Variants in TRIM4 observed in about 807,000 individuals in gnomAD.
The protein encoded by TRIM4 is E3 ubiquitin-protein ligase TRIM4.
Under a neutral mutation model 33.7 loss-of-function variants are expected in TRIM4, and 29 were observed. That is an observed-to-expected ratio of 0.86 (90% confidence interval 0.64 to 1.17). The LOEUF (loss-of-function observed/expected upper bound fraction) is 1.17, where lower values mean the gene tolerates loss of function less well. Among genes scored for constraint, TRIM4 ranks in the 50% most tolerant of loss-of-function variants. The probability of loss-of-function intolerance (pLI) is 0.00; values close to 1 mark genes in which losing one functional copy is unlikely to be tolerated. For synonymous variants in TRIM4, 224 were observed against 233.0 expected (o/e 0.96, Z 0.35); for missense variants, 554 against 593.7 (o/e 0.93, Z 0.69).
In TRIM4 at chr7:99,919,410, C is replaced by T. The variant is rs1196454807; in HGVS notation, c.-9G>A. The T allele has an allele frequency of 1.3e-6, 2 of 1,528,234 alleles. No homozygotes were observed. The highest frequency in any genetic ancestry group is 1.4e-5 in the African/African-American group (1 of 69,724). The allele number at this position is 1,528,234 out of a possible 1,614,324, so 94.7% of individuals were successfully genotyped here. ...ATGTCCTCAGCTTCCATGCTGCTTC[C>T]CTGCCGCGGAGACGGAGTCCGACGT... On this transcript the variant is annotated 5_prime_UTR_variant, in exon 1 of 6. Coordinates refer to ENST00000349062, the MANE Select transcript of TRIM4 (RefSeq NM_033091.3).
intron 1 of TRIM4, among the ~76,000 whole-genome samples, chr7:99,912,160 T>C (rs1012623587): frequency 2.0e-5 from 3 of 152,214 alleles, no homozygotes; most frequent in Non-Finnish European, 4.4e-5. Context: ...ATCCTTTATC[T>C]TGAGAAGGGC....
At chr7:99,917,565 C>CA in intron 1 of TRIM4, among the ~76,000 whole-genome samples, 1 of 152,124 alleles carries the variant, frequency 6.6e-6, no homozygotes, top group East Asian at 1.9e-4. Context: ...ACTAAAAATA[C>CA]AAAATTAGCT....
chr7:99,909,606 G>C lies in TRIM4; in HGVS notation c.448C>G (p.His150Asp), dbSNP rs1179990810. 6.2e-7 allele frequency: 1 copy of C among 1,613,526 alleles called. No individual in the cohort carries two copies. Among genetic ancestry groups the C allele is most frequent in the African/African-American group, 1.3e-5 (1 of 74,776 alleles). Reference sequence around the variant, plus strand: ...TTCTTCACTTCTACATCCTGTAAATGCATGACTTTCTTCATCTTGGCCACG... The same window carrying C: ...TTCTTCACTTCTACATCCTGTAAATCCATGACTTTCTTCATCTTGGCCACG... The part of the protein sequence containing the change: ...NLVAKMKKVM[H>D]LQDVEVKNAT... The change falls in exon 2 of 6, where the codon CAT (histidine) becomes GAT (aspartate). Residue 150 changes from histidine (H) to aspartate (D), a missense_variant. His to Asp is a moderately conservative substitution (Grantham distance 81). Transcript: ENST00000349062.
At chr7:99,897,519 T>C (rs1472384762) in intron 5 of TRIM4, among the ~76,000 whole-genome samples, 3 of 152,174 alleles carry the variant, frequency 2.0e-5, no homozygotes, top group Non-Finnish European at 2.9e-5. Flanking sequence ...TGTATACATG[T>C]ATTGAAACAT....
At chr7:99,906,391 C>T (rs1819307306) in intron 3 of TRIM4, among the ~76,000 whole-genome samples, 1 of 151,802 alleles carries the variant, frequency 6.6e-6, no homozygotes, top group East Asian at 1.9e-4. Flanking sequence ...CAAGATCTTG[C>T]TAAGATGCCC....
chr7:99,892,509 C>T lies in TRIM4; in HGVS notation c.1079G>A (p.Ser360Asn). The T allele has an allele frequency of 1.2e-6, 2 of 1,614,134 alleles. No individual in the cohort carries two copies. Among genetic ancestry groups the T allele is most frequent in the Non-Finnish European group, 1.7e-6 (2 of 1,179,946 alleles). ...AACAGCAACCTCCAGACTATCTCTA[C>T]TCTCAACTTCCCAGTAATGTTTCCC... Reference protein sequence around the residue: ...TSGKHYWEVESRDSLEVAVGV... With the variant: ...TSGKHYWEVENRDSLEVAVGV... Residue 360 changes from serine (S) to asparagine (N), a missense_variant, in exon 6 of 6, where the codon AGT (serine) becomes AAT (asparagine). By Grantham distance (46) the Ser-to-Asn change is conservative (BLOSUM62 1). This residue lies in a region of TRIM4 where 290 missense variants were observed against 335.8 expected (regional missense o/e 0.86). Transcript: ENST00000349062.
At chr7:99,909,915 A>G (rs907063258) in intron 1 of TRIM4, among the ~76,000 whole-genome samples, 1 of 151,724 alleles carries the variant, frequency 6.6e-6, no homozygotes, top group Non-Finnish European at 1.5e-5. Flanking sequence ...TATGTTTCGT[A>G]GAGACAAAGT....
chr7:99,902,230 C>T (rs1040761123), intron 5 of TRIM4: 5 of 744,134 alleles, frequency 6.7e-6, no homozygotes, highest in African/African-American at 1.7e-5. Context: ...AAGTGAACAC[C>T]CACAACATGG....
intron 5 of TRIM4, among the ~76,000 whole-genome samples, 154 bp downstream of exon 5, chr7:99,903,064 T>C (rs1584265610): frequency 6.6e-6 from 1 of 152,142 alleles, no homozygotes; most frequent in South Asian, 2.1e-4. Flanking sequence ...GTTAAATAAA[T>C]GTTTCTTGAA....
At chr7:99,910,196 G>C (rs1819408033) in intron 1 of TRIM4, among the ~76,000 whole-genome samples, 1 of 152,170 alleles carries the variant, frequency 6.6e-6, no homozygotes, top group African/African-American at 2.4e-5. Flanking sequence ...AAAACTGTTA[G>C]AAGATTAGCA....
rs1336968033 is a variant in TRIM4 at position 99,899,919 on chromosome 7, T to A, written c.841+3299A>T. The stretch of plus-strand genomic sequence containing the variant: ...CATCCTCCCGCCGTGGCCTCCCAAG[T>A]AACTGGGACTACAGGCACACACCAG... On this transcript the variant is annotated intron_variant, in intron 5 of 5. Transcript: ENST00000349062. Among the ~76,000 whole-genome samples, 5 of 152,228 alleles carry A rather than the reference T, an allele frequency of 3.3e-5. No homozygotes were observed. The East Asian group carries it at 7.7e-4, about 24-fold the overall frequency.
chr7:99,904,002 T>C (rs898107777), intron 3 of TRIM4, among the ~76,000 whole-genome samples: 2 of 152,240 alleles, frequency 1.3e-5, no homozygotes, highest in South Asian at 4.1e-4. Flanking sequence ...GGATATTTTA[T>C]CATGCCCAAG....
At chr7:99,918,786 A>T (rs1391334533) in intron 1 of TRIM4, among the ~76,000 whole-genome samples, 3 of 152,116 alleles carry the variant, frequency 2.0e-5, no homozygotes, top group Non-Finnish European at 4.4e-5. Flanking sequence ...AGTTTATTGA[A>T]AATTCTGCAC....
Position 99,894,007 on chromosome 7 carries a change from G to A in TRIM4, c.842-1261C>T, listed in dbSNP as rs569732313. Reference sequence around the variant, plus strand: ...TTACTTTAGTGATATAAACTACATCGATTTTCAAATATTAAACCAACTATG... The same window carrying A: ...TTACTTTAGTGATATAAACTACATCAATTTTCAAATATTAAACCAACTATG... On this transcript the variant is annotated intron_variant, in intron 5 of 5. Coordinates refer to ENST00000349062, the MANE Select transcript of TRIM4 (RefSeq NM_033091.3). Among the ~76,000 whole-genome samples the A allele has an allele frequency of 8.3e-4, 117 of 140,466 alleles. No individual in the cohort carries two copies. The Admixed American group carries it at 8.3e-3, about 10-fold the overall frequency. The allele number at this position is 140,466 out of a possible 152,430, so 92.2% of individuals were successfully genotyped here.
chr7:99,899,581 T>C (rs1292433157), intron 5 of TRIM4, among the ~76,000 whole-genome samples: 1 of 152,240 alleles, frequency 6.6e-6, no homozygotes, highest in Non-Finnish European at 1.5e-5. Context: ...AACTGTATCA[T>C]AGTATACTTT....
In TRIM4 at chr7:99,919,474, G is replaced by A. The variant is rs540004128; in HGVS notation, c.-73C>T. ...GGCCAGCAAGCTGCGAGCGGCCGCG[G>A]GGAGGCCAGACGACTTCCGAACCGC... On this transcript the variant is annotated 5_prime_UTR_variant, in exon 1 of 6. Coordinates refer to ENST00000349062, the MANE Select transcript of TRIM4 (RefSeq NM_033091.3). 27 of 1,420,588 alleles carry A rather than the reference G, an allele frequency of 1.9e-5. No individual in the cohort carries two copies. In the East Asian group the frequency reaches 4.2e-4, roughly 22 times the overall value. 88.0% of individuals were successfully genotyped at this position (1,420,588 alleles called of 1,614,324 possible).
At chr7:99,904,546 C>G (rs954607019) in intron 3 of TRIM4, among the ~76,000 whole-genome samples, 9 of 152,154 alleles carry the variant, frequency 5.9e-5, no homozygotes, top group African/African-American at 1.9e-4. Context: ...TAAACTGTAT[C>G]ACTGGTTCAT....
At chr7:99,907,564 C>A (rs955445456) in intron 3 of TRIM4, among the ~76,000 whole-genome samples, 2 of 152,174 alleles carry the variant, frequency 1.3e-5, no homozygotes, top group African/African-American at 4.8e-5. Context: ...TTCAGAGATT[C>A]TTTTATGACA....
In TRIM4 at chr7:99,919,466, C is replaced by A; in HGVS notation, c.-65G>T. 1 of 1,430,870 alleles carries A rather than the reference C, an allele frequency of 7.0e-7. No individual in the cohort carries two copies. The highest frequency in any genetic ancestry group is 9.2e-7 in the Non-Finnish European group (1 of 1,090,824). The allele number at this position is 1,430,870 out of a possible 1,614,324, so 88.6% of individuals were successfully genotyped here. A position where few individuals can be genotyped will look rare whatever the true frequency, so the allele number is the denominator to read the frequency against. On this transcript the variant is annotated 5_prime_UTR_variant, in exon 1 of 6. Transcript: ENST00000349062. ...GCGGGAGAGGCCAGCAAGCTGCGAG[C>A]GGCCGCGGGGAGGCCAGACGACTTC... is the stretch of plus-strand genomic sequence containing the variant.
Sources: gnomAD v4.1 joint callset for allele counts (sites outside exome capture counted in the v4.1 genomes callset) on GRCh38, gnomAD v4.1.1 for gene constraint, gnomAD v4.1.1 regional missense constraint, MANE v1.5 for transcripts, NCBI Gene and HGNC (gene_info 2026-07-23, HGNC 2026-07-21) for gene names.